OTOG: variants seen among roughly 807,000 people sequenced by gnomAD.
OTOG encodes the protein otogelin.
Under a neutral mutation model 313.8 loss-of-function variants are expected in OTOG, and 296 were observed. That is an observed-to-expected ratio of 0.94 (90% CI 0.86 to 1.04). The LOEUF (loss-of-function observed/expected upper bound fraction) is 1.04. Ranked by LOEUF, OTOG falls within the 50% of genes least tolerant of loss-of-function variation. The probability of loss-of-function intolerance (pLI) is 0.00; values close to 1 mark genes in which losing one functional copy is unlikely to be tolerated. For missense variants in OTOG, 3,948 were observed against 3,840.1 expected (o/e 1.03, Z -0.74); for synonymous variants, 1,533 against 1,554.9 (o/e 0.99, Z 0.33).
At chr11:17,590,485 C>T (rs867536186) in intron 24 of OTOG, among the ~76,000 whole-genome samples, 2 of 152,368 alleles carry the variant, frequency 1.3e-5, no homozygotes, top group African/African-American at 4.8e-5. Context: ...CTGCTCCAGG[C>T]TGCCATGATC....
chr11:17,609,394 A>G (rs944489731), intron 35 of OTOG, among the ~76,000 whole-genome samples, 185 bp downstream of exon 35: 1 of 152,028 alleles, frequency 6.6e-6, no homozygotes, highest in East Asian at 1.9e-4. Context: ...CATTTCACAG[A>G]GAGGAGAAAT....
intron 39 of OTOG, among the ~76,000 whole-genome samples, chr11:17,622,649 T>G: frequency 6.6e-6 from 1 of 152,210 alleles, no homozygotes; most frequent in South Asian, 2.1e-4. Context: ...CATAATGACC[T>G]CCATTTTCAC....
At chr11:17,556,395 T>G (rs560816689) in intron 7 of OTOG, among the ~76,000 whole-genome samples, 19 of 152,286 alleles carry the variant, frequency 1.2e-4, no homozygotes, top group Non-Finnish European at 1.9e-4. Context: ...TGTGGTCCTT[T>G]GTGAAATCTT....
At chr11:17,596,341 C>T (rs527892619) in intron 29 of OTOG, among the ~76,000 whole-genome samples, 187 bp downstream of exon 29, 1 of 152,362 alleles carries the variant, frequency 6.6e-6, no homozygotes, top group Non-Finnish European at 1.5e-5. Context: ...TGACCAGGCA[C>T]AGACAGCCAG....
chr11:17,568,165 C>T (rs1852329333), intron 15 of OTOG, among the ~76,000 whole-genome samples: 1 of 152,118 alleles, frequency 6.6e-6, no homozygotes, highest in South Asian at 2.1e-4. Context: ...CCTTGGCCTC[C>T]CAGAGTGCTG....
intron 6 of OTOG, among the ~76,000 whole-genome samples, chr11:17,555,329 T>C (rs1190789242): frequency 6.6e-6 from 1 of 151,946 alleles, no homozygotes; most frequent in Non-Finnish European, 1.5e-5. Context: ...AGTGTGTGTA[T>C]AGTGTGTGCA....
chr11:17,611,792 A>T (rs1263456288), intron 36 of OTOG, among the ~76,000 whole-genome samples: 1 of 150,666 alleles, frequency 6.6e-6, no homozygotes, highest in South Asian at 2.1e-4. Context: ...CCTCATGTGC[A>T]TCTTTGTGCC....
Position 17,559,088 on chromosome 11 carries a change from G to A in OTOG, c.1140G>A (p.Leu380=), listed in dbSNP as rs1228151295. The A allele has an allele frequency of 8.4e-6, 13 of 1,547,082 alleles. No individual in the cohort carries two copies. In the Admixed American group the frequency reaches 2.4e-4, roughly 28 times the overall value. The change falls in exon 11 of 56, where the codon CTG becomes CTA. Residue 380 remains leucine (L), a synonymous_variant. Transcript: ENST00000399397. ...ATGTAGCCACCTGGTGCCGGGCACT[G>A]GCGGAGTATGCCCGGGCGTGTGCCC... ...MGDVATWCRA[L]AEYARACAQA... is the part of the protein sequence containing the mutation.
chr11:17,615,619 T>C (rs1853700101), intron 39 of OTOG, among the ~76,000 whole-genome samples: 1 of 152,228 alleles, frequency 6.6e-6, no homozygotes, highest in South Asian at 2.1e-4. Context: ...TCCATTGAAT[T>C]GTCTTTGAAC....
intron 23 of OTOG, among the ~76,000 whole-genome samples, chr11:17,581,367 G>A (rs1400211021): frequency 2.0e-5 from 3 of 152,158 alleles, no homozygotes; most frequent in Non-Finnish European, 4.4e-5. Flanking sequence ...GGCACCAGGA[G>A]GGGTGAGATG....
Position 17,559,677 on chromosome 11 carries a change from G to A in OTOG, c.1342+15G>A. 6.5e-7 allele frequency: 1 copy of A among 1,550,222 alleles called. No individual in the cohort carries two copies. On this transcript the variant is annotated intron_variant, in intron 12 of 55. Coordinates refer to ENST00000399397, the MANE Select transcript of OTOG (RefSeq NM_001292063.2). The stretch of plus-strand genomic sequence containing the variant: ...TTGCCCCAATGGTATGCTAGGGGCA[G>A]ACGTAGGTGCCTGGCACCATCTTCC...
rs1565115760 is a variant in OTOG at position 17,609,141 on chromosome 11, G to A, written c.4286G>A (p.Cys1429Tyr). The change falls in exon 35 of 56, where the codon TGT becomes TAT. Residue 1429 changes from cysteine (C) to tyrosine (Y), a missense_variant. By Grantham distance (194) the Cys-to-Tyr change is radical. Coordinates refer to ENST00000399397, the MANE Select transcript of OTOG (RefSeq NM_001292063.2). ...TGCTCTGTCCTCAGGGTAGAAGGCT[G>A]TGTCCCTGTGTGCCCCACCCCCCAG... ...SCRDVPRVEG[C>Y]VPVCPTPQVL... 1 of 1,550,524 alleles carries A rather than the reference G, an allele frequency of 6.4e-7. No homozygotes were observed. The highest frequency in any genetic ancestry group is 8.7e-7 in the Non-Finnish European group (1 of 1,146,886).
chr11:17,603,848 C>T (rs1358220651), intron 32 of OTOG, among the ~76,000 whole-genome samples: 1 of 152,188 alleles, frequency 6.6e-6, no homozygotes, highest in East Asian at 1.9e-4. Flanking sequence ...CACAGCCTGA[C>T]ACAGGTCACC....
At position 17,613,688 on chromosome 11, in the gene OTOG, G is replaced by C. The variant is rs555068328; in HGVS notation, c.6515G>C (p.Arg2172Pro). ...THLAHQVTID[R>P]FNRKVTVDLQ... ...TTGGCCCATCAGGTCACTATTGATC[G>C]CTTCAACCGAAAGGTGAGTGCATCA... is the stretch of plus-strand genomic sequence containing the variant. Residue 2172 changes from arginine (R) to proline (P), a missense_variant, in exon 39 of 56, where the codon CGC (arginine) becomes CCC (proline). Arg to Pro is a moderately radical substitution (Grantham distance 103, BLOSUM62 -2). Coordinates refer to ENST00000399397, the MANE Select transcript of OTOG (RefSeq NM_001292063.2). 1 of 1,550,548 alleles carries C rather than the reference G, an allele frequency of 6.4e-7. No homozygotes were observed. Among genetic ancestry groups the C allele is most frequent in the South Asian group, 1.2e-5 (1 of 84,042 alleles).
At chr11:17,562,728 GTTTAA>G (rs771836563) in intron 15 of OTOG, among the ~76,000 whole-genome samples, 2 of 152,156 alleles carry the variant, frequency 1.3e-5, no homozygotes, top group Non-Finnish European at 2.9e-5. Flanking sequence ...TCTAAAATTG[GTTTAA>G]TTTAACTTTA....
intron 49 of OTOG, among the ~76,000 whole-genome samples, chr11:17,640,403 T>C (rs1847944406): frequency 1.3e-5 from 2 of 152,306 alleles, no homozygotes; most frequent in South Asian, 4.1e-4. Flanking sequence ...TTTTCTGAAT[T>C]ATATGTAACC....
At chr11:17,562,440 T>TA (rs1249876436) in intron 15 of OTOG, among the ~76,000 whole-genome samples, 1 of 152,112 alleles carries the variant, frequency 6.6e-6, no homozygotes, top group Non-Finnish European at 1.5e-5. Flanking sequence ...AAATTTCAAA[T>TA]AAAAAAGAAT....
At chr11:17,592,649 A>C (rs1346763668) in intron 25 of OTOG, among the ~76,000 whole-genome samples, 3 of 152,196 alleles carry the variant, frequency 2.0e-5, no homozygotes, top group African/African-American at 7.2e-5. Flanking sequence ...TATAGTTGGT[A>C]CACACTTTTT....
chr11:17,587,310 G>T (rs548664409), intron 24 of OTOG, among the ~76,000 whole-genome samples: 30 of 152,350 alleles, frequency 2.0e-4, no homozygotes, highest in Admixed American at 1.2e-3. Context: ...CCACACAGAG[G>T]TGGGTAGGCA....
Sources: gnomAD v4.1 joint callset for allele counts (sites outside exome capture counted in the v4.1 genomes callset) on GRCh38, gnomAD v4.1.1 for gene constraint, MANE v1.5 for transcripts, NCBI Gene and HGNC (gene_info 2026-07-23, HGNC 2026-07-21) for gene names.